Variants in MYH14 observed in about 807,000 individuals in gnomAD.
MYH14 encodes the protein myosin heavy chain 14.
In MYH14, 123 loss-of-function variants were observed where a neutral mutation model predicts 255.5. That is an observed-to-expected ratio of 0.48 (90% confidence interval 0.42 to 0.56). The LOEUF is 0.56. MYH14 is among the 20% of genes least tolerant of loss of function. The pLI, the probability that MYH14 is intolerant of heterozygous loss-of-function variation, is 0.00. For missense variants in MYH14, 2,423 were observed against 2,802.3 expected (o/e 0.86, Z 3.06); for synonymous variants, 1,095 against 1,161.2 (o/e 0.94, Z 1.16).
intron 21 of MYH14, 38 bp downstream of exon 21, chr19:50,261,673 G>A (rs370134176): frequency 1.0e-4 from 162 of 1,542,976 alleles, no homozygotes; most frequent in East Asian, 6.7e-4. Flanking sequence ...CCTGTTGGCC[G>A]AGACTGGGTC....
At chr19:50,260,598 A>T in intron 19 of MYH14, 48 bp from the exon 20 acceptor site, 2 of 1,389,286 alleles carry the variant, frequency 1.4e-6, no homozygotes, top group African/African-American at 1.4e-5. Flanking sequence ...GCACTAGGTG[A>T]GCGTTTGCTG....
At chr19:50,278,438 A>T (rs1297395446) in intron 30 of MYH14, 149 bp downstream of exon 30, 4 of 558,388 alleles carry the variant, frequency 7.2e-6, no homozygotes, top group Non-Finnish European at 1.2e-5. Context: ...ACAGTGGCTC[A>T]TGTCTGTAAT....
intron 36 of MYH14, among the ~76,000 whole-genome samples, 162 bp from the exon 37 acceptor site, chr19:50,292,099 C>A (rs1300419689): frequency 6.6e-6 from 1 of 152,108 alleles, no homozygotes; most frequent in Non-Finnish European, 1.5e-5. Context: ...CAGGGTCACA[C>A]AGCAAGTGGC....
chr19:50,286,386 T>G, intron 33 of MYH14, 96 bp from the exon 34 acceptor site: 1 of 1,206,608 alleles, frequency 8.3e-7, no homozygotes, highest in Non-Finnish European at 1.2e-6. Context: ...TCTTTCTCTC[T>G]CTTTCTCTGT....
chr19:50,223,653 T>C (rs1011454986), intron 5 of MYH14, among the ~76,000 whole-genome samples: 6 of 152,208 alleles, frequency 3.9e-5, no homozygotes, highest in Non-Finnish European at 7.3e-5. Flanking sequence ...CCTGGGTTTG[T>C]CGTCTAAGTG....
chr19:50,210,564 G>T lies in MYH14; in HGVS notation c.199G>T (p.Ala67Ser). ...GCCTTCGGAGCTTCACGGGTTCGAGGCGGCGGCGCTGCGGGACGAAGGCGA... is the reference window on the plus strand; with the variant it reads ...GCCTTCGGAGCTTCACGGGTTCGAGTCGGCGGCGCTGCGGGACGAAGGCGA... ...WVPSELHGFE[A>S]AALRDEGEEE... The change falls in exon 2 of 43, where the codon GCG becomes TCG. Residue 67 changes from alanine to serine, a missense_variant. By Grantham distance (99) the Ala-to-Ser change is moderately conservative. Transcript: ENST00000642316. 6.3e-7 allele frequency: 1 copy of T among 1,581,590 alleles called. No individual in the cohort carries two copies.
chr19:50,255,072 C>A, intron 16 of MYH14, 148 bp from the exon 17 acceptor site: 1 of 605,662 alleles, frequency 1.7e-6, no homozygotes. Context: ...GGTTTTCCAT[C>A]TTGCTTTGCT....
chr19:50,268,319 C>A lies in MYH14; in HGVS notation c.2985C>A (p.Cys995Ter), dbSNP rs2035169453. 6.3e-7 allele frequency: 1 copy of A among 1,588,460 alleles called. No homozygotes were observed. Among genetic ancestry groups the A allele is most frequent in the Non-Finnish European group, 8.6e-7 (1 of 1,168,686 alleles). Residue 995 changes from cysteine (C) to a stop codon, truncating the protein, a stop_gained, in exon 24 of 43, where the codon TGC (cysteine) becomes TGA (stop). Transcript: ENST00000642316. LOFTEE classifies it high-confidence loss of function. ...LEARVGEEEECSRQMQTEKKR... is the reference protein window; with the variant it reads ...LEARVGEEEE ...CTCGCGTGGGCGAGGAGGAGGAGTG[C>A]AGCCGTCAAATGCAAACCGAGAAGA...
Position 50,276,164 on chromosome 19 carries a change from A to G in MYH14, c.3641A>G (p.Glu1214Gly). ...CTGGAGGCGCTGCGGGGCGAGCTGG[A>G]GGACACGCTGGACTCCACCAACGCA... is the stretch of plus-strand genomic sequence containing the variant. ...EELEALRGEL[E>G]DTLDSTNAQQ... The change falls in exon 28 of 43, where the codon GAG (glutamate) becomes GGG (glycine). Residue 1214 changes from glutamate to glycine, a missense_variant. Around this residue, in one of 3 missense-constraint regions of MYH14, gnomAD observed 1,513 missense variants for 1,674.8 expected, o/e 0.90. Transcript: ENST00000642316. The surrounding 1 kb of genome is among the most constrained non-coding windows in gnomAD (Gnocchi z 4.3). The G allele has an allele frequency of 6.4e-7, 1 of 1,560,162 alleles. No individual in the cohort carries two copies. Among genetic ancestry groups the G allele is most frequent in the Non-Finnish European group, 8.7e-7 (1 of 1,153,974 alleles).
rs1192599490 is a variant in MYH14 at position 50,244,344 on chromosome 19, C to T, written c.1210+7C>T. ...ACCATGCCTGACAACACAGGTACTG[C>T]CCCCGGCCTGCCTGCCCACGACCTC... On this transcript the variant is annotated splice_region_variant and intron_variant, in intron 11 of 42. Transcript: ENST00000642316. 7 of 1,611,272 alleles carry T rather than the reference C, an allele frequency of 4.3e-6. No individual in the cohort carries two copies. In the South Asian group the frequency reaches 4.4e-5, roughly 10 times the overall value.
intron 27 of MYH14, 143 bp from the exon 28 acceptor site, chr19:50,275,848 A>T: frequency 1.5e-6 from 1 of 649,426 alleles, no homozygotes; most frequent in South Asian, 2.0e-5. Context: ...TTAGTACTGC[A>T]GCCAAGTGCC....
chr19:50,258,547 C>T (rs140256523), intron 18 of MYH14: 1,759 of 151,902 alleles, frequency 0.012, 19 homozygotes, highest in Non-Finnish European at 0.018. Context: ...AATGGCGAAA[C>T]GCCGTCTCTA....
chr19:50,268,424 C>A, intron 24 of MYH14, 57 bp downstream of exon 24: 2 of 1,504,458 alleles, frequency 1.3e-6, no homozygotes, highest in Non-Finnish European at 1.8e-6. Context: ...TCTACACCAT[C>A]CACCTTTGCT....
Position 50,290,650 on chromosome 19 carries a change from G to A in MYH14, c.4966-237G>A, listed in dbSNP as rs373534287. On this transcript the variant is annotated intron_variant, in intron 35 of 42. Transcript: ENST00000642316. ...TATGAGCAGGATCAGCTCTGGAGAC[G>A]TGTTGGAATGGGCTGGAGGGGAGAG... Among the ~76,000 whole-genome samples, 32 of 152,308 alleles carry A rather than the reference G, an allele frequency of 2.1e-4. 1 individual carries two copies. In the South Asian group the frequency reaches 6.2e-3, roughly 30 times the overall value.
intron 17 of MYH14, 100 bp from the exon 18 acceptor site, chr19:50,257,199 G>A (rs571341834): frequency 3.2e-4 from 305 of 942,900 alleles, no homozygotes; most frequent in Middle Eastern, 6.8e-4. Context: ...CATATGTAAA[G>A]TGCCAGTTGT....
intron 17 of MYH14, among the ~76,000 whole-genome samples, chr19:50,256,131 T>C (rs1254988331): frequency 6.6e-6 from 1 of 151,726 alleles, no homozygotes. Context: ...AATTTAAAAA[T>C]TGGTGGGCAT....
chr19:50,204,756 G>A (rs534883390), intron 1 of MYH14, among the ~76,000 whole-genome samples: 2 of 152,254 alleles, frequency 1.3e-5, no homozygotes, highest in African/African-American at 2.4e-5. Context: ...TTAGCCGGGC[G>A]TGGTGGCGTG....
chr19:50,293,657 C>T lies in MYH14; in HGVS notation c.5439C>T (p.Leu1813=). 1.2e-6 allele frequency: 2 copies of T among 1,600,648 alleles called. No homozygotes were observed. Among genetic ancestry groups the T allele is most frequent in the African/African-American group, 1.3e-5 (1 of 74,782 alleles). The change falls in exon 39 of 43, where the codon CTC becomes CTT. Residue 1813 remains leucine (L), a synonymous_variant. Coordinates refer to ENST00000642316, the MANE Select transcript of MYH14 (RefSeq NM_001145809.2). This position sits in a 1 kb window ranked among gnomAD's most constrained non-coding sequence, Gnocchi z 4.1. ...LEEEQSNSEL[L]NDRYRKLLLQ... ...AGGAGCAGAGCAACTCGGAGCTGCT[C>T]AATGACCGCTACCGCAAGCTGCTCC...
In MYH14 at chr19:50,266,159, T is replaced by C. The variant is rs527499736; in HGVS notation, c.2695-718T>C. Among the ~76,000 whole-genome samples, 1 of 152,250 alleles carries C rather than the reference T, an allele frequency of 6.6e-6. No homozygotes were observed. The highest frequency in any genetic ancestry group is 2.4e-5 in the African/African-American group (1 of 41,564). ...TCTCACTTAGCAAGGGCGACGAGGT[T>C]TTGTGAAATTTTTGTTTCAGTTCTG... On this transcript the variant is annotated intron_variant, in intron 22 of 42. Coordinates refer to ENST00000642316, the MANE Select transcript of MYH14 (RefSeq NM_001145809.2). The surrounding 1 kb of genome is among the most constrained non-coding windows in gnomAD (Gnocchi z 4.1).
Sources: allele counts gnomAD v4.1 joint callset (sites outside exome capture counted in the v4.1 genomes callset), GRCh38; gene constraint gnomAD v4.1.1; regional missense constraint gnomAD v4.1.1; non-coding constraint Gnocchi (gnomAD v3.1); transcripts MANE v1.5; gene names NCBI Gene and HGNC (gene_info 2026-07-23, HGNC 2026-07-21).